The following NR3C2 variants were observed in gnomAD, a reference collection of about 807,000 sequenced individuals.
NR3C2 encodes the protein nuclear receptor subfamily 3 group C member 2.
A neutral mutation model predicts 86.4 loss-of-function variants in NR3C2; 15 were observed. The observed-to-expected ratio is 0.17, with a 90% CI of 0.12 to 0.27. The LOEUF (loss-of-function observed/expected upper bound fraction) is 0.27. NR3C2 is among the 10% of genes least tolerant of loss of function. NR3C2 has a pLI of 1.00. For synonymous variants in NR3C2, 458 were observed against 450.5 expected (o/e 1.02, Z -0.21); for missense variants, 960 against 1,195.6 (o/e 0.80, Z 2.91).
intron 6 of NR3C2, among the ~76,000 whole-genome samples, chr4:148,143,947 C>CAAAAAA (rs67177081): frequency 4.7e-5 from 3 of 64,428 alleles, no homozygotes; most frequent in African/African-American, 1.3e-4. Flanking sequence ...AACTCTGTCT[C>CAAAAAA]AAAAAAAAAA....
intron 2 of NR3C2, among the ~76,000 whole-genome samples, chr4:148,318,650 G>C (rs1743360819): frequency 6.6e-6 from 1 of 152,122 alleles, no homozygotes. Context: ...TTTTTCATGT[G>C]TTTTTTGGCT....
intron 8 of NR3C2, among the ~76,000 whole-genome samples, chr4:148,084,996 T>C (rs1295267800): frequency 6.6e-6 from 1 of 152,100 alleles, no homozygotes; most frequent in Non-Finnish European, 1.5e-5. Context: ...CCACCCAGAT[T>C]CATAAAGCAA....
intron 2 of NR3C2, among the ~76,000 whole-genome samples, chr4:148,422,628 C>T (rs576684702): frequency 6.6e-6 from 1 of 152,150 alleles, no homozygotes; most frequent in South Asian, 2.1e-4. Context: ...CTTGAGGACA[C>T]AATTAATAGA....
intron 3 of NR3C2, among the ~76,000 whole-genome samples, chr4:148,204,905 A>G (rs1234892705): frequency 6.6e-6 from 1 of 152,212 alleles, no homozygotes; most frequent in Non-Finnish European, 1.5e-5. Context: ...AAGCCAACAT[A>G]TGCACAGCCC....
chr4:148,392,697 A>G lies in NR3C2; in HGVS notation c.1757+42407T>C, dbSNP rs551386522. 1.1e-3 allele frequency among the ~76,000 whole-genome samples: 171 copies of G among 152,358 alleles called. 1 individual carries two copies. Among genetic ancestry groups the G allele is most frequent in the African/African-American group, 3.8e-3 (158 of 41,586 alleles). ...TCTAAAAAATCTCAAATTAGAGCTCACTATATCTAAAAAACATAATTTTGA... is the reference window on the plus strand; with the variant it reads ...TCTAAAAAATCTCAAATTAGAGCTCGCTATATCTAAAAAACATAATTTTGA... On this transcript the variant is annotated intron_variant, in intron 2 of 8. Transcript: ENST00000358102.
intron 4 of NR3C2, among the ~76,000 whole-genome samples, chr4:148,163,992 G>A (rs1053274432): frequency 4.6e-5 from 7 of 152,298 alleles, no homozygotes; most frequent in Admixed American, 4.6e-4. Flanking sequence ...CAAAGGGGGT[G>A]AGAAGAGGAT....
chr4:148,286,562 G>A (rs1048259500), intron 2 of NR3C2, among the ~76,000 whole-genome samples: 2 of 152,146 alleles, frequency 1.3e-5, no homozygotes, highest in Non-Finnish European at 2.9e-5. Context: ...CTCATCCGGT[G>A]GAATCTGGAT....
chr4:148,181,395 C>T (rs573342804), intron 4 of NR3C2, among the ~76,000 whole-genome samples: 2 of 152,282 alleles, frequency 1.3e-5, no homozygotes, highest in South Asian at 4.1e-4. Context: ...AATTCCTTAT[C>T]TGTAAAATGG....
At chr4:148,311,796 A>T (rs1742914361) in intron 2 of NR3C2, among the ~76,000 whole-genome samples, 1 of 152,218 alleles carries the variant, frequency 6.6e-6, no homozygotes, top group Admixed American at 6.5e-5. Context: ...TGCACCAGCC[A>T]TGCTGGCCTC....
chr4:148,400,484 ATT>A (rs1432090094), intron 2 of NR3C2, among the ~76,000 whole-genome samples: 3 of 152,208 alleles, frequency 2.0e-5, no homozygotes, highest in African/African-American at 7.2e-5. Context: ...AGTTTACATT[ATT>A]TTTAAAGACT....
intron 3 of NR3C2, among the ~76,000 whole-genome samples, chr4:148,225,425 CAAAAG>C (rs1026548037): frequency 6.6e-6 from 1 of 152,094 alleles, no homozygotes; most frequent in African/African-American, 2.4e-5. Flanking sequence ...AATCATGCCT[CAAAAG>C]ACACATATAA....
At chr4:148,327,194 TA>T (rs72656804) in intron 2 of NR3C2, among the ~76,000 whole-genome samples, 2,501 of 152,268 alleles carry the variant, frequency 0.016, 63 homozygotes, top group African/African-American at 0.057. Flanking sequence ...AAAAATATCT[TA>T]TTTCCTCAAT....
upstream of NR3C2, chr4:148,442,799 C>T (rs1301887300): frequency 2.0e-6 from 2 of 985,320 alleles, no homozygotes; most frequent in East Asian, 1.1e-4. Context: ...CTGCCCCCAC[C>T]CCCATCGCTC....
chr4:148,118,783 T>C (rs1410350313), intron 7 of NR3C2, among the ~76,000 whole-genome samples: 2 of 152,206 alleles, frequency 1.3e-5, no homozygotes, highest in Non-Finnish European at 2.9e-5. Context: ...GCTCAAAACC[T>C]GTGTCACTCT....
At chr4:148,086,936 C>CA (rs1270494104) in intron 8 of NR3C2, among the ~76,000 whole-genome samples, 1 of 152,050 alleles carries the variant, frequency 6.6e-6, no homozygotes, top group Non-Finnish European at 1.5e-5. Flanking sequence ...GGCAATCAGG[C>CA]AAGAGAAAGA....
intron 6 of NR3C2, among the ~76,000 whole-genome samples, chr4:148,145,862 G>A (rs1368305764): frequency 1.3e-5 from 2 of 152,070 alleles, no homozygotes; most frequent in African/African-American, 4.8e-5. Flanking sequence ...ATCTCAGGAG[G>A]AGGTTTCTCA....
Position 148,363,506 on chromosome 4 carries a change from C to CTTT in NR3C2, c.1757+71595_1757+71597dup, listed in dbSNP as rs58978966. On this transcript the variant is annotated intron_variant, in intron 2 of 8. Coordinates refer to ENST00000358102, the MANE Select transcript of NR3C2 (RefSeq NM_000901.5). ...TAAAGTCTAGACTTCTCATAGATCTCTTTTTTTTTTTTTTTGAGACGGAGT... is the reference window on the plus strand; with the variant it reads ...TAAAGTCTAGACTTCTCATAGATCTCTTTTTTTTTTTTTTTTTTGAGACGGAGT... Among the ~76,000 whole-genome samples the CTTT allele has an allele frequency of 2.3e-4, 26 of 110,758 alleles. 1 individual carries two copies. The highest frequency in any genetic ancestry group is 1.2e-3 in the South Asian group (4 of 3,452). 72.7% of individuals were successfully genotyped at this position (110,758 alleles called of 152,430 possible).
intron 3 of NR3C2, among the ~76,000 whole-genome samples, chr4:148,213,747 G>T (rs968844209): frequency 1.3e-5 from 2 of 152,146 alleles, no homozygotes; most frequent in Non-Finnish European, 2.9e-5. Flanking sequence ...CAGAACTTTT[G>T]CAAATGACAG....
In NR3C2 at chr4:148,435,562, C is replaced by T. The variant is rs1750008268; in HGVS notation, c.1299G>A (p.Lys433=). 6.2e-7 allele frequency: 1 copy of T among 1,614,060 alleles called. No homozygotes were observed. Among genetic ancestry groups the T allele is most frequent in the Non-Finnish European group, 8.5e-7 (1 of 1,180,020 alleles). Residue 433 remains lysine (K), a synonymous_variant, in exon 2 of 9, where the codon AAG becomes AAA. Coordinates refer to ENST00000358102, the MANE Select transcript of NR3C2 (RefSeq NM_000901.5). ...TAAAAGAGGTGCCTGAACATGAATGCTTGGTTGATTCTTGCTTTATTGGTA... is the reference window on the plus strand; with the variant it reads ...TAAAAGAGGTGCCTGAACATGAATGTTTGGTTGATTCTTGCTTTATTGGTA... ...FSVPIKQEST[K]HSCSGTSFKG...
Sources: allele counts gnomAD v4.1 joint callset (sites outside exome capture counted in the v4.1 genomes callset), GRCh38; gene constraint gnomAD v4.1.1; transcripts MANE v1.5; gene names NCBI Gene and HGNC (gene_info 2026-07-23, HGNC 2026-07-21).